Variants in OSBPL9 observed in about 807,000 individuals in gnomAD.
OSBPL9 encodes oxysterol binding protein like 9.
OSBPL9 carries 40 observed loss-of-function variants against 106.6 expected under a neutral mutation model. The ratio of observed to expected loss-of-function variants is 0.38; its 90% confidence interval spans 0.29 to 0.49. OSBPL9 has a LOEUF of 0.49. Ranked by LOEUF, OSBPL9 falls within the 20% of genes least tolerant of loss-of-function variation. OSBPL9 has a pLI of 0.97. For missense variants in OSBPL9, 609 were observed against 887.2 expected (o/e 0.69, Z 3.98); for synonymous variants, 269 against 295.4 (o/e 0.91, Z 0.92).
chr1:51,710,174 T>C (rs752486216), intron 3 of OSBPL9, among the ~76,000 whole-genome samples: 12 of 152,126 alleles, frequency 7.9e-5, no homozygotes, highest in Non-Finnish European at 1.8e-4. Flanking sequence ...ATGACGTCAT[T>C]GTGAGCACAC....
At chr1:51,568,681 C>T in the OSBPL9 span, among the ~76,000 whole-genome samples, 1 of 152,214 alleles carries the variant, frequency 6.6e-6, no homozygotes, top group Admixed American at 6.5e-5. Context: ...ATTCTGCTGC[C>T]TCAGCCTCCT....
chr1:51,639,604 T>C lies in OSBPL9; in HGVS notation c.112-12387T>C, dbSNP rs11205874. Among the ~76,000 whole-genome samples the C allele has an allele frequency of 4.1e-3, 631 of 152,214 alleles. 23 individuals carry two copies. The East Asian group carries it at 0.097, about 23-fold the overall frequency. On this transcript the variant is annotated intron_variant, in intron 1 of 23. Coordinates refer to ENST00000428468, the MANE Select transcript of OSBPL9 (RefSeq NM_024586.6). ...GCACATACGTTATTATCATGTAAGA[T>C]AGAAATAATAAGTGCCTTAAGAAAA...
At chr1:51,651,749 A>T (rs1429157465) in intron 1 of OSBPL9, among the ~76,000 whole-genome samples, 1 of 152,198 alleles carries the variant, frequency 6.6e-6, no homozygotes, top group Non-Finnish European at 1.5e-5. Context: ...TAATGATGTA[A>T]TATATGTTAC....
chr1:51,684,324 A>G (rs558889444), intron 3 of OSBPL9, among the ~76,000 whole-genome samples: 8 of 152,290 alleles, frequency 5.3e-5, no homozygotes, highest in African/African-American at 1.9e-4. Flanking sequence ...CCACATGGTG[A>G]CAATAATTAA....
chr1:51,546,357 A>G, the OSBPL9 span, among the ~76,000 whole-genome samples: 2 of 152,128 alleles, frequency 1.3e-5, no homozygotes, highest in Non-Finnish European at 2.9e-5. Context: ...CATTAAAATT[A>G]AGAATTTCTG....
At chr1:51,669,792 C>T in intron 3 of OSBPL9, 1 of 553,996 alleles carries the variant, frequency 1.8e-6, no homozygotes, top group Non-Finnish European at 3.4e-6. Flanking sequence ...GCTGCTGCTG[C>T]TGCTGGCTTG....
chr1:51,689,476 T>C (rs1450665253), intron 3 of OSBPL9, among the ~76,000 whole-genome samples: 1 of 152,204 alleles, frequency 6.6e-6, no homozygotes, highest in African/African-American at 2.4e-5. Flanking sequence ...TGAAGTTCTA[T>C]ATTTTCCCTC....
At chr1:51,761,826 G>T in intron 10 of OSBPL9, 41 bp from the exon 11 acceptor site, 1 of 1,423,286 alleles carries the variant, frequency 7.0e-7, no homozygotes, top group Non-Finnish European at 9.9e-7. Context: ...ATGTGTGTTT[G>T]GCTGTTTCTG....
At chr1:51,614,205 T>C (rs2148607039), upstream of OSBPL9, 1 of 152,404 alleles carries the variant, frequency 6.6e-6, no homozygotes, top group South Asian at 2.1e-4. Context: ...GCTCATTTTT[T>C]TGGCTGCTAT....
chr1:51,727,947 T>C (rs1012332363), intron 4 of OSBPL9, among the ~76,000 whole-genome samples: 2 of 152,098 alleles, frequency 1.3e-5, no homozygotes, highest in Non-Finnish European at 2.9e-5. Context: ...AGAACTGACA[T>C]TGGCAGGGAG....
At chr1:51,715,045 G>A (rs1419512073) in intron 4 of OSBPL9, among the ~76,000 whole-genome samples, 1 of 152,108 alleles carries the variant, frequency 6.6e-6, no homozygotes, top group East Asian at 1.9e-4. Flanking sequence ...GGTACATAGG[G>A]GATTTTGTTT....
upstream of OSBPL9, among the ~76,000 whole-genome samples, chr1:51,613,161 G>C (rs893309167): frequency 2.6e-5 from 4 of 152,168 alleles, no homozygotes; most frequent in Non-Finnish European, 5.9e-5. Context: ...GGACTACAAA[G>C]ATAAGGCCTG....
the OSBPL9 span, among the ~76,000 whole-genome samples, chr1:51,526,598 A>G: frequency 6.6e-6 from 1 of 152,142 alleles, no homozygotes; most frequent in African/African-American, 2.4e-5. Context: ...GTAGCTCAAA[A>G]GAGTCCCAAA....
At chr1:51,732,370 G>A (rs1195478972) in intron 4 of OSBPL9, among the ~76,000 whole-genome samples, 1 of 152,050 alleles carries the variant, frequency 6.6e-6, no homozygotes, top group Non-Finnish European at 1.5e-5. Flanking sequence ...TTCTTATATA[G>A]AAAAAAGACT....
intron 16 of OSBPL9, 86 bp downstream of exon 16, chr1:51,781,421 C>T: frequency 7.5e-7 from 1 of 1,329,798 alleles, no homozygotes; most frequent in South Asian, 1.4e-5. Context: ...ATGATGAAAG[C>T]AATGATCAAA....
At chr1:51,609,261 T>C (rs569207827) in intron 2 of OSBPL9, among the ~76,000 whole-genome samples, 7 of 152,056 alleles carry the variant, frequency 4.6e-5, no homozygotes, top group Non-Finnish European at 1.0e-4. Context: ...TGCTGTCCTC[T>C]AGGGTTCCAT....
chr1:51,737,864 A>T (rs1407726311), intron 4 of OSBPL9, among the ~76,000 whole-genome samples: 1 of 152,038 alleles, frequency 6.6e-6, no homozygotes, highest in Non-Finnish European at 1.5e-5. Context: ...TGTCTTAAAA[A>T]TCCTAGCTAT....
chr1:51,660,132 GAA>G (rs1647048666), intron 2 of OSBPL9, among the ~76,000 whole-genome samples: 1 of 151,846 alleles, frequency 6.6e-6, no homozygotes, highest in African/African-American at 2.4e-5. Context: ...GTGTCCATAT[GAA>G]AAAAAGAAGA....
chr1:51,733,990 A>AT (rs1665075267), intron 4 of OSBPL9, among the ~76,000 whole-genome samples: 1 of 152,154 alleles, frequency 6.6e-6, no homozygotes, highest in Non-Finnish European at 1.5e-5. Flanking sequence ...ATTCCAGATG[A>AT]TTAGGTAATG....
Sources: gnomAD v4.1 joint callset for allele counts (sites outside exome capture counted in the v4.1 genomes callset) on GRCh38, gnomAD v4.1.1 for gene constraint, MANE v1.5 for transcripts, NCBI Gene and HGNC (gene_info 2026-07-23, HGNC 2026-07-21) for gene names.